The following GALNT13 variants were observed in gnomAD, a reference collection of about 807,000 sequenced individuals.
GALNT13 encodes UDP-GalNAc:polypeptide N-acetylgalactosaminyltransferase 13.
GALNT13 carries 28 observed loss-of-function variants against 64.2 expected under a neutral mutation model. The observed-to-expected ratio is 0.44, with a 90% CI of 0.32 to 0.60. GALNT13 has a LOEUF of 0.60. Ranked by LOEUF, GALNT13 falls within the 20% of genes least tolerant of loss-of-function variation. The pLI is 0.05. For synonymous variants in GALNT13, 214 were observed against 224.6 expected (o/e 0.95, Z 0.42); for missense variants, 577 against 669.8 (o/e 0.86, Z 1.53).
chr2:154,327,213 C>T (rs1449802383), intron 9 of GALNT13, among the ~76,000 whole-genome samples: 1 of 152,058 alleles, frequency 6.6e-6, no homozygotes, highest in African/African-American at 2.4e-5. Context: ...TTTCTCCTTC[C>T]TGTCGCCTTG....
rs117069910 is a variant in GALNT13, at chr2:154,063,982, G to A, written c.143-76355G>A. ...ATGCCATTGAAAGAGGCACAGAAGA[G>A]GGTAGGAAAGAAAGTCTTGAATTGT... On this transcript the variant is annotated intron_variant, in intron 3 of 12. Coordinates refer to ENST00000392825, the MANE Select transcript of GALNT13 (RefSeq NM_052917.4). 4.5e-4 allele frequency among the ~76,000 whole-genome samples: 69 copies of A among 152,296 alleles called. No individual in the cohort carries two copies. In the East Asian group the frequency reaches 0.013, roughly 28 times the overall value.
At chr2:154,295,924 T>TA in intron 8 of GALNT13, among the ~76,000 whole-genome samples, 2 of 152,278 alleles carry the variant, frequency 1.3e-5, no homozygotes, top group South Asian at 4.1e-4. Context: ...TTGGTGGCCT[T>TA]ACCCAGGTGA....
intron 10 of GALNT13, among the ~76,000 whole-genome samples, chr2:154,397,947 C>T (rs1654577549): frequency 6.6e-6 from 1 of 152,130 alleles, no homozygotes; most frequent in Non-Finnish European, 1.5e-5. Context: ...TTGTTGCTAT[C>T]ATTTTCAAAT....
intron 11 of GALNT13, among the ~76,000 whole-genome samples, chr2:154,432,432 T>C (rs1700753707): frequency 6.6e-6 from 1 of 152,180 alleles, no homozygotes; most frequent in Non-Finnish European, 1.5e-5. Flanking sequence ...TCAACCAGCA[T>C]GAGGAGGAAA....
rs112890788 is a variant in GALNT13 at position 154,153,975 on chromosome 2, T to A, written c.311+13470T>A. Among the ~76,000 whole-genome samples the A allele has an allele frequency of 5.9e-5, 9 of 152,354 alleles. 1 individual carries two copies. Among genetic ancestry groups the A allele is most frequent in the African/African-American group, 2.2e-4 (9 of 41,590 alleles). On this transcript the variant is annotated intron_variant, in intron 4 of 12. Coordinates refer to ENST00000392825, the MANE Select transcript of GALNT13 (RefSeq NM_052917.4). Reference sequence around the variant, plus strand: ...CATTGTCTGGCACTCCCTAGTGAGATGAACCCGGTACCTCAGATGGAAATG... The same window carrying A: ...CATTGTCTGGCACTCCCTAGTGAGAAGAACCCGGTACCTCAGATGGAAATG...
chr2:153,244,318 A>T, the GALNT13 span, among the ~76,000 whole-genome samples: 1 of 145,252 alleles, frequency 6.9e-6, no homozygotes, highest in Non-Finnish European at 1.6e-5. Context: ...ATATCTGACA[A>T]ACTTCCCCAA....
chr2:154,452,080 A>T lies in GALNT13; in HGVS notation c.*1529A>T, dbSNP rs1191500659. The T allele has an allele frequency of 6.6e-6, 1 of 152,070 alleles. No individual in the cohort carries two copies. The highest frequency in any genetic ancestry group is 2.1e-4 in the South Asian group (1 of 4,832). 9.4% of individuals were successfully genotyped at this position (152,070 alleles called of 1,614,324 possible). On this transcript the variant is annotated 3_prime_UTR_variant, in exon 13 of 13. Transcript: ENST00000392825. The stretch of plus-strand genomic sequence containing the variant: ...ATCTTAAATGATTTTTGCCACTGGT[A>T]TTCCTTCCTCTTTTGACTTTTTATT...
At chr2:153,656,344 G>A in the GALNT13 span, among the ~76,000 whole-genome samples, 73 of 146,192 alleles carry the variant, frequency 5.0e-4, no homozygotes, top group South Asian at 1.9e-3. Flanking sequence ...GTGTGTGCGC[G>A]CGCACATATG....
the GALNT13 span, among the ~76,000 whole-genome samples, chr2:153,760,683 T>C: frequency 2.6e-5 from 4 of 152,274 alleles, no homozygotes; most frequent in Admixed American, 6.5e-5. Context: ...ATGTTCCATG[T>C]TCCCTTTCAA....
the GALNT13 span, among the ~76,000 whole-genome samples, chr2:153,213,473 C>T: frequency 6.6e-6 from 1 of 152,142 alleles, no homozygotes; most frequent in Admixed American, 6.5e-5. Flanking sequence ...GTACAAACAT[C>T]ATTGGGAAGA....
chr2:153,130,380 T>C, the GALNT13 span, among the ~76,000 whole-genome samples: 1 of 152,100 alleles, frequency 6.6e-6, no homozygotes. Context: ...AGGTACAATC[T>C]CGTGAGCTTT....
At chr2:153,136,755 T>C in the GALNT13 span, among the ~76,000 whole-genome samples, 2 of 152,076 alleles carry the variant, frequency 1.3e-5, no homozygotes, top group African/African-American at 4.8e-5. Context: ...CTGTTTCAAA[T>C]CCATTAAGTA....
intron 3 of GALNT13, among the ~76,000 whole-genome samples, chr2:154,124,653 TTTAA>T (rs1278883103): frequency 4.6e-5 from 7 of 151,076 alleles, no homozygotes; most frequent in African/African-American, 1.7e-4. Flanking sequence ...GTAGGGAAAG[TTTAA>T]TTAATTTTAA....
chr2:153,274,768 A>G, the GALNT13 span, among the ~76,000 whole-genome samples: 3 of 152,198 alleles, frequency 2.0e-5, no homozygotes, highest in Non-Finnish European at 4.4e-5. Flanking sequence ...ATACTAATAG[A>G]TCACCTACTT....
chr2:153,578,130 T>A, the GALNT13 span, among the ~76,000 whole-genome samples: 2 of 152,152 alleles, frequency 1.3e-5, no homozygotes, highest in African/African-American at 4.8e-5. Flanking sequence ...TTTACATGAC[T>A]ACCATCACAA....
the GALNT13 span, among the ~76,000 whole-genome samples, chr2:153,409,992 T>C: frequency 1.3e-5 from 2 of 152,178 alleles, no homozygotes; most frequent in African/African-American, 2.4e-5. Context: ...TGAAAGATTA[T>C]TTACAAAATT....
At chr2:153,475,175 C>A in the GALNT13 span, among the ~76,000 whole-genome samples, 1 of 152,114 alleles carries the variant, frequency 6.6e-6, no homozygotes, top group African/African-American at 2.4e-5. Context: ...GCACACATTG[C>A]CTCATCTATA....
At chr2:154,456,022 T>A (rs2105517615), downstream of GALNT13, among the ~76,000 whole-genome samples, 1 of 152,318 alleles carries the variant, frequency 6.6e-6, no homozygotes, top group South Asian at 2.1e-4. Flanking sequence ...AAAATGAGAT[T>A]TTCATCATGC....
At chr2:153,930,060 C>T (rs1690412005) in intron 2 of GALNT13, among the ~76,000 whole-genome samples, 1 of 152,094 alleles carries the variant, frequency 6.6e-6, no homozygotes, top group Non-Finnish European at 1.5e-5. Flanking sequence ...GGTGGTATCT[C>T]ATTGTGGTTT....
Sources: gnomAD v4.1 joint callset for allele counts (sites outside exome capture counted in the v4.1 genomes callset) on GRCh38, gnomAD v4.1.1 for gene constraint, MANE v1.5 for transcripts, NCBI Gene and HGNC (gene_info 2026-07-23, HGNC 2026-07-21) for gene names.